Variants in EPB41L3 observed in about 807,000 individuals in gnomAD.
EPB41L3 encodes the protein band 4.1-like protein 3.
Under a neutral mutation model 127.1 loss-of-function variants are expected in EPB41L3, and 57 were observed. That is an observed-to-expected ratio of 0.45 (90% CI 0.36 to 0.56). EPB41L3 has a LOEUF of 0.56. Ranked by LOEUF, EPB41L3 falls within the 20% of genes least tolerant of loss-of-function variation. EPB41L3 has a pLI of 0.00. For synonymous variants in EPB41L3, 572 were observed against 549.5 expected (o/e 1.04, Z -0.57); for missense variants, 1,273 against 1,372.2 (o/e 0.93, Z 1.14).
At chr18:5,590,626 T>A (rs2094477179) in intron 3 of EPB41L3, among the ~76,000 whole-genome samples, 1 of 152,042 alleles carries the variant, frequency 6.6e-6, no homozygotes, top group African/African-American at 2.4e-5. Flanking sequence ...GCAGGTCTAT[T>A]AATAATTGCC....
chr18:5,566,483 C>T (rs1338838799), intron 3 of EPB41L3, among the ~76,000 whole-genome samples: 1 of 152,184 alleles, frequency 6.6e-6, no homozygotes, highest in East Asian at 1.9e-4. Flanking sequence ...AATGGAAGAA[C>T]ATTCCATGGT....
At chr18:5,552,704 A>C (rs917291452) in intron 3 of EPB41L3, among the ~76,000 whole-genome samples, 2 of 151,954 alleles carry the variant, frequency 1.3e-5, no homozygotes, top group South Asian at 4.2e-4. Flanking sequence ...CTGTTTTACA[A>C]GCTATTGTTC....
In EPB41L3 at chr18:5,433,660, G is replaced by A. The variant is rs1235885223; in HGVS notation, c.825-104C>T. On this transcript the variant is annotated intron_variant, in intron 7 of 22. Coordinates refer to ENST00000341928, the MANE Select transcript of EPB41L3 (RefSeq NM_012307.5). Reference sequence around the variant, plus strand: ...CTATCTCATAAGAAGTCCTATGGAGGCACCAGCAGATACATGAGAAAAGAA... The same window carrying A: ...CTATCTCATAAGAAGTCCTATGGAGACACCAGCAGATACATGAGAAAAGAA... 3.9e-6 allele frequency: 4 copies of A among 1,025,290 alleles called. No individual in the cohort carries two copies. The Admixed American group carries it at 7.1e-5, about 18-fold the overall frequency. 63.5% of individuals were successfully genotyped at this position (1,025,290 alleles called of 1,614,324 possible).
At chr18:5,427,769 G>A (rs1004689205) in intron 9 of EPB41L3, among the ~76,000 whole-genome samples, 3 of 151,132 alleles carry the variant, frequency 2.0e-5, no homozygotes, top group Non-Finnish European at 2.9e-5. Flanking sequence ...TTTTTGAGAC[G>A]GAGTCTCGCT....
At chr18:5,504,964 C>T (rs2092032200) in intron 1 of EPB41L3, among the ~76,000 whole-genome samples, 2 of 152,068 alleles carry the variant, frequency 1.3e-5, no homozygotes, top group African/African-American at 4.8e-5. Flanking sequence ...CACCCATTTC[C>T]CCAAGCACTC....
At chr18:5,411,726 C>A (rs1488266215) in intron 13 of EPB41L3, among the ~76,000 whole-genome samples, 1 of 150,192 alleles carries the variant, frequency 6.7e-6, no homozygotes. Context: ...CTTAAAATAA[C>A]CTCCCACTAC....
chr18:5,617,427 T>C (rs532405360), intron 1 of EPB41L3, among the ~76,000 whole-genome samples: 1 of 151,964 alleles, frequency 6.6e-6, no homozygotes, highest in Admixed American at 6.5e-5. Context: ...CACGCCATTC[T>C]CCTGCCTCAG....
intron 1 of EPB41L3, among the ~76,000 whole-genome samples, chr18:5,502,127 C>T (rs2091801754): frequency 6.6e-6 from 1 of 152,194 alleles, no homozygotes; most frequent in African/African-American, 2.4e-5. Flanking sequence ...TTCTGATATT[C>T]TGACTACGGG....
At chr18:5,532,415 C>G (rs557295867) in intron 1 of EPB41L3, among the ~76,000 whole-genome samples, 1 of 152,352 alleles carries the variant, frequency 6.6e-6, no homozygotes, top group Non-Finnish European at 1.5e-5. Flanking sequence ...AGGAACAAAA[C>G]TTTACAAAGG....
chr18:5,479,271 T>C (rs570133476), intron 2 of EPB41L3, among the ~76,000 whole-genome samples: 1 of 152,332 alleles, frequency 6.6e-6, no homozygotes, highest in African/African-American at 2.4e-5. Flanking sequence ...ATTCGATCCT[T>C]GGGCTGCGCC....
chr18:5,530,967 G>GA (rs1200353114), intron 1 of EPB41L3, among the ~76,000 whole-genome samples: 2 of 152,232 alleles, frequency 1.3e-5, no homozygotes. Flanking sequence ...CTGTTAGGCA[G>GA]ACGGACGGAG....
At chr18:5,630,506 A>C (rs2094982160), upstream of EPB41L3, 2 of 518,330 alleles carry the variant, frequency 3.9e-6, no homozygotes, top group African/African-American at 1.9e-5. Flanking sequence ...GTCCCTCCGC[A>C]GGGGCTCTTT....
intron 1 of EPB41L3, among the ~76,000 whole-genome samples, chr18:5,626,124 T>C (rs1275680095): frequency 6.6e-6 from 1 of 152,128 alleles, no homozygotes; most frequent in Non-Finnish European, 1.5e-5. Flanking sequence ...TCCTTTTAGC[T>C]CCCACATCTG....
chr18:5,559,657 T>G (rs973600941), intron 3 of EPB41L3, among the ~76,000 whole-genome samples: 2 of 152,216 alleles, frequency 1.3e-5, no homozygotes, highest in Non-Finnish European at 2.9e-5. Context: ...TGGATGTTTT[T>G]TATAAACTCA....
At chr18:5,550,721 C>T (rs2093952184) in intron 3 of EPB41L3, among the ~76,000 whole-genome samples, 1 of 152,166 alleles carries the variant, frequency 6.6e-6, no homozygotes, top group Admixed American at 6.6e-5. Flanking sequence ...TCCTGTCCAA[C>T]TGGGAGATGA....
At chr18:5,472,133 T>C (rs957095231) in intron 3 of EPB41L3, among the ~76,000 whole-genome samples, 3 of 152,200 alleles carry the variant, frequency 2.0e-5, no homozygotes, top group Non-Finnish European at 4.4e-5. Flanking sequence ...TTTATTACTT[T>C]TTAAAAATGA....
At chr18:5,523,146 G>A (rs2093067647) in intron 1 of EPB41L3, among the ~76,000 whole-genome samples, 1 of 151,992 alleles carries the variant, frequency 6.6e-6, no homozygotes. Flanking sequence ...ATCACACAAG[G>A]GCCACAAAGT....
chr18:5,471,111 C>T (rs1309330477), intron 3 of EPB41L3, among the ~76,000 whole-genome samples: 1 of 152,198 alleles, frequency 6.6e-6, no homozygotes, highest in East Asian at 1.9e-4. Flanking sequence ...AGACATTGAT[C>T]AGGAGCTCTA....
At chr18:5,408,182 A>G (rs1720277830) in intron 14 of EPB41L3, among the ~76,000 whole-genome samples, 1 of 152,164 alleles carries the variant, frequency 6.6e-6, no homozygotes, top group Admixed American at 6.5e-5. Context: ...TTTGTAGACC[A>G]GAGAACCCAT....
Sources: gnomAD v4.1 joint callset for allele counts (sites outside exome capture counted in the v4.1 genomes callset) on GRCh38, gnomAD v4.1.1 for gene constraint, MANE v1.5 for transcripts, NCBI Gene and HGNC (gene_info 2026-07-23, HGNC 2026-07-21) for gene names.